Variants in KALRN observed in about 807,000 individuals in gnomAD.
KALRN encodes the protein kalirin RhoGEF kinase.
In KALRN, 70 loss-of-function variants were observed where a neutral mutation model predicts 353.7. That is an observed-to-expected ratio of 0.20 (90% CI 0.16 to 0.24). The LOEUF is 0.24. Ranked by LOEUF, KALRN falls within the 10% of genes least tolerant of loss-of-function variation. The pLI is 1.00. For missense variants in KALRN, 2,791 were observed against 3,756.7 expected, an observed-to-expected ratio of 0.74 and a Z score of 6.72; for synonymous variants, 1,391 against 1,434.8, an observed-to-expected ratio of 0.97 and a Z score of 0.69.
At position 124,581,391 on chromosome 3, in the gene KALRN, C is replaced by CAAA. The variant is rs5852421; in HGVS notation, c.5182+18314_5182+18316dup. 4.1e-4 allele frequency among the ~76,000 whole-genome samples: 56 copies of CAAA among 137,476 alleles called. 1 individual carries two copies. The highest frequency in any genetic ancestry group is 4.4e-4 in the Non-Finnish European group (28 of 63,742). The allele number at this position is 137,476 out of a possible 152,430, so 90.2% of individuals were successfully genotyped here. ...CTGGGTGACAGAGTGAGACTCTGCT[C>CAAA]AAAAAAAAAAAAAAGTATCGGTGGA... On this transcript the variant is annotated intron_variant, in intron 34 of 59. Transcript: ENST00000682506.
At chr3:124,328,123 T>A (rs1032334696) in intron 7 of KALRN, among the ~76,000 whole-genome samples, 1 of 152,236 alleles carries the variant, frequency 6.6e-6, no homozygotes, top group Admixed American at 6.5e-5. Flanking sequence ...TATTTCCACC[T>A]AAGAACTTCC....
chr3:124,499,158 G>T (rs1321922860), intron 33 of KALRN, among the ~76,000 whole-genome samples: 1 of 152,080 alleles, frequency 6.6e-6, no homozygotes, highest in Non-Finnish European at 1.5e-5. Flanking sequence ...AGTAGATGAG[G>T]AAAGCATAAC....
At chr3:124,694,901 C>T (rs1221414935) in intron 53 of KALRN, among the ~76,000 whole-genome samples, 1 of 152,174 alleles carries the variant, frequency 6.6e-6, no homozygotes, top group Non-Finnish European at 1.5e-5. Context: ...AGAGTTTTTA[C>T]AGTCACTGCC....
chr3:124,385,223 T>G (rs1041364293), intron 11 of KALRN, among the ~76,000 whole-genome samples, 187 bp downstream of exon 11: 88 of 152,312 alleles, frequency 5.8e-4, no homozygotes, highest in Non-Finnish European at 1.0e-3. Context: ...GGGGCAAAAT[T>G]TCCTCCTATA....
At chr3:124,561,927 G>C (rs538719720) in intron 33 of KALRN, among the ~76,000 whole-genome samples, 2 of 152,202 alleles carry the variant, frequency 1.3e-5, no homozygotes, top group Admixed American at 1.3e-4. Context: ...CAGAAGAAAG[G>C]GGGGAAGTGG....
chr3:124,348,418 A>G (rs1359365272), intron 10 of KALRN, among the ~76,000 whole-genome samples: 3 of 152,214 alleles, frequency 2.0e-5, no homozygotes, highest in African/African-American at 2.4e-5. Context: ...CAGGAAAGTC[A>G]TGGAGCATTA....
Position 124,385,003 on chromosome 3 carries a change from C to T in KALRN, c.1929C>T (p.Asp643=), listed in dbSNP as rs1379614045. 37 of 1,611,186 alleles carry T rather than the reference C, an allele frequency of 2.3e-5. No individual in the cohort carries two copies. In the East Asian group the frequency reaches 8.0e-4, roughly 35 times the overall value. The change falls in exon 11 of 60, where the codon GAC becomes GAT. Residue 643 remains aspartate, a synonymous_variant. Coordinates refer to ENST00000682506, the MANE Select transcript of KALRN (RefSeq NM_001388419.1). ...TGGAGCAGCGGAAGCTTCTCCTGGA[C>T]ATGTCTGTTTCCTTCCACACACACA... ...RRVEQRKLLL[D]MSVSFHTHTK...
chr3:124,699,993 TCCCAGCGAG>T lies in KALRN; in HGVS notation c.7960_7968del (p.Pro2656_Glu2658del), dbSNP rs1252475593. The T allele has an allele frequency of 6.2e-7, 1 of 1,614,084 alleles. No homozygotes were observed. Among genetic ancestry groups the T allele is most frequent in the South Asian group, 1.1e-5 (1 of 91,066 alleles). ...CCAGTAACCCCTGGGGAATCAGCCTTCCCAGCGAGCCCTCGGAGTTTGTGCGACTTCCAG... is the reference window on the plus strand; with the variant it reads ...CCAGTAACCCCTGGGGAATCAGCCTTCCCTCGGAGTTTGTGCGACTTCCAG... On this transcript the variant is annotated inframe_deletion, in exon 56 of 60. Transcript: ENST00000682506.
At position 124,320,240 on chromosome 3, in the gene KALRN, G is replaced by A. The variant is rs192576528; in HGVS notation, c.1093-5740G>A. ...AAAGTCAAGGTCTCAAGAGCTTGTCGAGAGGACAGGGCCCCTTTAGGGAAA... is the reference window on the plus strand; with the variant it reads ...AAAGTCAAGGTCTCAAGAGCTTGTCAAGAGGACAGGGCCCCTTTAGGGAAA... On this transcript the variant is annotated intron_variant, in intron 6 of 59. Coordinates refer to ENST00000682506, the MANE Select transcript of KALRN (RefSeq NM_001388419.1). Among the ~76,000 whole-genome samples, 273 of 152,236 alleles carry A rather than the reference G, an allele frequency of 1.8e-3. 1 individual carries two copies. The highest frequency in any genetic ancestry group is 6.3e-3 in the African/African-American group (260 of 41,544).
intron 1 of KALRN, among the ~76,000 whole-genome samples, chr3:124,123,573 A>T (rs1217817689): frequency 6.6e-6 from 1 of 152,250 alleles, no homozygotes; most frequent in Non-Finnish European, 1.5e-5. Context: ...GCAAGTGCTG[A>T]TGTAAAAACT....
intron 18 of KALRN, 50 bp downstream of exon 18, chr3:124,439,087 T>A (rs370585460): frequency 1.1e-5 from 18 of 1,571,242 alleles, no homozygotes; most frequent in Non-Finnish European, 1.5e-5. Context: ...CTTGGCCGCC[T>A]TGTTCTTTCA....
At chr3:124,128,511 A>G (rs539648298) in intron 1 of KALRN, among the ~76,000 whole-genome samples, 1 of 152,294 alleles carries the variant, frequency 6.6e-6, no homozygotes, top group South Asian at 2.1e-4. Flanking sequence ...TGGCAATTCA[A>G]AGGTGTTAGT....
intron 1 of KALRN, among the ~76,000 whole-genome samples, chr3:124,087,733 G>C (rs1425150562): frequency 6.6e-6 from 1 of 152,054 alleles, no homozygotes; most frequent in African/African-American, 2.4e-5. Flanking sequence ...GAGGGGGCTG[G>C]GACTAGCTGG....
intron 13 of KALRN, among the ~76,000 whole-genome samples, chr3:124,405,653 T>G (rs1424480566): frequency 6.9e-6 from 1 of 145,780 alleles, no homozygotes; most frequent in Non-Finnish European, 1.5e-5. Context: ...TTTTTTTTTT[T>G]TTTTTTTTTT....
In KALRN at chr3:124,076,359, GTTAAA is replaced by G. The variant is rs370044831; in HGVS notation, c.73+42550_73+42554del. On this transcript the variant is annotated intron_variant, in intron 1 of 59. Coordinates refer to ENST00000682506, the MANE Select transcript of KALRN (RefSeq NM_001388419.1). Reference sequence around the variant, plus strand: ...CCTGACCAGAGTTGTTAAGCTAATTGTTAAATTAGAGTGGCTGGGGAAGCAAATTG... The same window carrying G: ...CCTGACCAGAGTTGTTAAGCTAATTGTTAGAGTGGCTGGGGAAGCAAATTG... 5.5e-3 allele frequency among the ~76,000 whole-genome samples: 839 copies of G among 152,278 alleles called. 6 individuals carry two copies. Among genetic ancestry groups the G allele is most frequent in the African/African-American group, 0.018 (766 of 41,558 alleles).
intron 40 of KALRN, 22 bp from the exon 41 acceptor site, chr3:124,657,712 C>A: frequency 1.3e-6 from 2 of 1,589,380 alleles, no homozygotes; most frequent in Non-Finnish European, 8.6e-7. Flanking sequence ...GCTTCCTTCT[C>A]TTATCCCCTT....
chr3:124,631,208 T>C (rs542326599), intron 34 of KALRN, among the ~76,000 whole-genome samples: 13 of 152,332 alleles, frequency 8.5e-5, no homozygotes, highest in African/African-American at 2.9e-4. Context: ...CTTTGGACTT[T>C]GTCTTTATCC....
chr3:124,082,376 G>C (rs758533264), intron 1 of KALRN: 2 of 464,546 alleles, frequency 4.3e-6, no homozygotes, highest in Non-Finnish European at 4.5e-6. Flanking sequence ...CAATGGGCCT[G>C]AGCTATGGAA....
chr3:124,633,703 A>C, intron 35 of KALRN, 149 bp from the exon 36 acceptor site: 1 of 625,006 alleles, frequency 1.6e-6, no homozygotes, highest in Non-Finnish European at 2.9e-6. Flanking sequence ...AGGTGTATCC[A>C]TGTATCAAAA....
Sources: gnomAD v4.1 joint callset for allele counts (sites outside exome capture counted in the v4.1 genomes callset) on GRCh38, gnomAD v4.1.1 for gene constraint, MANE v1.5 for transcripts, NCBI Gene and HGNC (gene_info 2026-07-23, HGNC 2026-07-21) for gene names.